Variants in ARHGEF10 observed in about 807,000 individuals in gnomAD.
ARHGEF10 encodes the protein Rho guanine nucleotide exchange factor 10.
In ARHGEF10, 140 loss-of-function variants were observed where a neutral mutation model predicts 147.4. The observed-to-expected ratio is 0.95, with a 90% CI of 0.83 to 1.09. The LOEUF is 1.09. ARHGEF10 is among the 50% of genes least tolerant of loss of function. The probability of loss-of-function intolerance (pLI) is 0.00; values close to 1 mark genes in which losing one functional copy is unlikely to be tolerated. For synonymous variants in ARHGEF10, 902 were observed against 695.8 expected (o/e 1.30, Z -4.67); for missense variants, 2,222 against 1,752.7 (o/e 1.27, Z -4.78).
chr8:1,928,594 C>A lies in ARHGEF10; in HGVS notation c.2865C>A (p.Thr955=). 6.2e-7 allele frequency: 1 copy of A among 1,614,200 alleles called. No individual in the cohort carries two copies. Among genetic ancestry groups the A allele is most frequent in the African/African-American group, 1.3e-5 (1 of 75,048 alleles). The change falls in exon 24 of 29, where the codon ACC becomes ACA. Residue 955 remains threonine, a synonymous_variant. Transcript: ENST00000349830. ...REPGAPPDPE[T]PAVRASDVPT... is the part of the protein sequence containing the mutation. The stretch of plus-strand genomic sequence containing the variant: ...CTGGGGCACCCCCGGACCCCGAGAC[C>A]CCGGCCGTGAGAGCTTCTGATGTCC...
intron 8 of ARHGEF10, among the ~76,000 whole-genome samples, chr8:1,878,284 G>A (rs755862638): frequency 6.6e-6 from 1 of 152,000 alleles, no homozygotes; most frequent in Non-Finnish European, 1.5e-5. Context: ...CCACTTCCCA[G>A]ATTCAAGTAA....
intron 8 of ARHGEF10, 105 bp from the exon 9 acceptor site, chr8:1,879,943 C>T (rs907376556): frequency 1.1e-5 from 9 of 836,610 alleles, no homozygotes; most frequent in South Asian, 2.7e-5. Context: ...CAGGACAGGC[C>T]TGATGTGCCA....
chr8:1,923,149 T>A, intron 19 of ARHGEF10, 70 bp downstream of exon 19: 1 of 1,148,156 alleles, frequency 8.7e-7, no homozygotes, highest in South Asian at 1.3e-5. Flanking sequence ...TGTGATTATA[T>A]CTCCAAGTTC....
intron 2 of ARHGEF10, among the ~76,000 whole-genome samples, chr8:1,850,507 C>T (rs1337048261): frequency 2.0e-5 from 3 of 149,004 alleles, no homozygotes; most frequent in East Asian, 2.0e-4. Flanking sequence ...GGGCCACCCG[C>T]GTGGACACAG....
chr8:1,882,774 G>C (rs1327220025), intron 10 of ARHGEF10, 25 bp downstream of exon 10: 1 of 1,512,734 alleles, frequency 6.6e-7, no homozygotes, highest in East Asian at 2.5e-5. Context: ...GTCTTCTTGC[G>C]GGGAGGACAC....
At chr8:1,944,110 T>C (rs11136445) in intron 26 of ARHGEF10, among the ~76,000 whole-genome samples, 1,673 of 31,506 alleles carry the variant, frequency 0.053, 24 homozygotes, top group East Asian at 0.14. Context: ...CCTCCCGCAC[T>C]GTGTCGCCTC....
intron 7 of ARHGEF10, among the ~76,000 whole-genome samples, chr8:1,875,262 G>A (rs1457991613): frequency 3.3e-5 from 5 of 150,514 alleles, no homozygotes; most frequent in African/African-American, 9.8e-5. Context: ...GCGTGTAGGG[G>A]GTGGAGGTTC....
At chr8:1,879,584 ACT>A (rs1336205484) in intron 8 of ARHGEF10, among the ~76,000 whole-genome samples, 1 of 146,408 alleles carries the variant, frequency 6.8e-6, no homozygotes. Context: ...ACAGGGTCTT[ACT>A]CTGTCTGCCA....
In ARHGEF10 at chr8:1,889,490, G is replaced by A. The variant is rs1387906601; in HGVS notation, c.1182+3783G>A. ...TGTGAGGAGACACTGAGTGGGGTGA[G>A]GGGTCTGTGAGGAGACACTGAGTGG... is the stretch of plus-strand genomic sequence containing the variant. On this transcript the variant is annotated intron_variant, in intron 11 of 28. Coordinates refer to ENST00000349830, the MANE Select transcript of ARHGEF10 (RefSeq NM_014629.4). 1.2e-4 allele frequency among the ~76,000 whole-genome samples: 8 copies of A among 68,574 alleles called. 2 individuals are homozygous for A. Among genetic ancestry groups the A allele is most frequent in the African/African-American group, 4.8e-4 (6 of 12,482 alleles). The allele number at this position is 68,574 out of a possible 152,430, so 45.0% of individuals were successfully genotyped here.
intron 21 of ARHGEF10, among the ~76,000 whole-genome samples, chr8:1,924,282 G>A (rs989703969): frequency 6.6e-6 from 1 of 152,114 alleles, no homozygotes; most frequent in African/African-American, 2.4e-5. Flanking sequence ...ACACAGGGCT[G>A]GGCTGGGGGG....
At chr8:1,867,357 A>C (rs1806713497) in intron 6 of ARHGEF10, among the ~76,000 whole-genome samples, 1 of 152,222 alleles carries the variant, frequency 6.6e-6, no homozygotes, top group Non-Finnish European at 1.5e-5. Flanking sequence ...TGGTCACGTG[A>C]ATGATTCGTG....
At chr8:1,844,357 C>T (rs1804343938) in intron 2 of ARHGEF10, among the ~76,000 whole-genome samples, 1 of 152,092 alleles carries the variant, frequency 6.6e-6, no homozygotes, top group Admixed American at 6.5e-5. Flanking sequence ...TGGTAGATGA[C>T]AAAGACAGGA....
chr8:1,932,357 G>A (rs375087291), intron 25 of ARHGEF10, among the ~76,000 whole-genome samples: 8 of 152,210 alleles, frequency 5.3e-5, no homozygotes, highest in Admixed American at 1.3e-4. Context: ...GTGTGCAGGC[G>A]TGTGTGTGCC....
chr8:1,913,534 C>T (rs1213629910), intron 18 of ARHGEF10, among the ~76,000 whole-genome samples: 1 of 152,196 alleles, frequency 6.6e-6, no homozygotes, highest in Non-Finnish European at 1.5e-5. Context: ...GCTGTAAGGT[C>T]ACCTTTTAAC....
chr8:1,866,580 G>T lies in ARHGEF10; in HGVS notation c.600G>T (p.Pro200=), dbSNP rs201355020. 6.2e-7 allele frequency: 1 copy of T among 1,607,058 alleles called. No individual in the cohort carries two copies. The highest frequency in any genetic ancestry group is 1.1e-5 in the South Asian group (1 of 91,072). Residue 200 remains proline, a synonymous_variant, in exon 6 of 29, where the codon CCG becomes CCT. Coordinates refer to ENST00000349830, the MANE Select transcript of ARHGEF10 (RefSeq NM_014629.4). The part of the protein sequence containing the change: ...DSALARWAAD[P]ANTAWMENPE... ...CACTTGCCCGCTGGGCCGCAGACCC[G>T]GCCAACACAGCCTGGATGGAGAGTA... is the stretch of plus-strand genomic sequence containing the variant.
intron 1 of ARHGEF10, among the ~76,000 whole-genome samples, chr8:1,831,422 AGACAGTGTGACATCTGTGGAGG>A: frequency 7.1e-6 from 1 of 140,436 alleles, no homozygotes; most frequent in South Asian, 2.3e-4. Flanking sequence ...GGCTGTGGAG[AGACAGTGTGACATCTGTGGAGG>A]GACAGTGTGA....
rs1019122034 is a variant in ARHGEF10, at chr8:1,850,924, C to T, written c.38-7036C>T. Among the ~76,000 whole-genome samples, 3 of 152,044 alleles carry T rather than the reference C, an allele frequency of 2.0e-5. No homozygotes were observed. The East Asian group carries it at 5.8e-4, about 29-fold the overall frequency. On this transcript the variant is annotated intron_variant, in intron 2 of 28. Coordinates refer to ENST00000349830, the MANE Select transcript of ARHGEF10 (RefSeq NM_014629.4). ...ATGGAGGAGCCTTAAATGCATCTTA[C>T]TGAGCGAGAGAAGCCAACCTGAAAA...
intron 14 of ARHGEF10, among the ~76,000 whole-genome samples, chr8:1,897,212 G>A (rs1810048190): frequency 6.6e-6 from 1 of 152,234 alleles, no homozygotes; most frequent in African/African-American, 2.4e-5. Flanking sequence ...CACAGGGCAA[G>A]TATTCTCGCC....
At chr8:1,861,588 G>C (rs1475516693) in intron 4 of ARHGEF10, among the ~76,000 whole-genome samples, 3 of 152,288 alleles carry the variant, frequency 2.0e-5, no homozygotes, top group Non-Finnish European at 4.4e-5. Context: ...TTCCTGTAAA[G>C]GTTTCAGTGG....
Sources: allele counts gnomAD v4.1 joint callset (sites outside exome capture counted in the v4.1 genomes callset), GRCh38; gene constraint gnomAD v4.1.1; transcripts MANE v1.5; gene names NCBI Gene and HGNC (gene_info 2026-07-23, HGNC 2026-07-21).